SAMSN1: variants seen among roughly 807,000 people sequenced by gnomAD.
SAMSN1 encodes the protein SAM domain, SH3 domain and nuclear localization signals 1.
A neutral mutation model predicts 42.0 loss-of-function variants in SAMSN1; 31 were observed. The ratio of observed to expected loss-of-function variants is 0.74; its 90% CI spans 0.55 to 1.00. The LOEUF (loss-of-function observed/expected upper bound fraction) is 1.00. Ranked by LOEUF, SAMSN1 falls within the 50% of genes least tolerant of loss-of-function variation. SAMSN1 has a pLI of 0.00. For missense variants in SAMSN1, 464 were observed against 439.4 expected (o/e 1.06, Z -0.50); for synonymous variants, 178 against 151.9 (o/e 1.17, Z -1.26).
At chr21:14,626,060 A>T (rs1983160203) in intron 2 of SAMSN1, among the ~76,000 whole-genome samples, 1 of 152,216 alleles carries the variant, frequency 6.6e-6, no homozygotes, top group Admixed American at 6.5e-5. Flanking sequence ...TGGTGCTGGG[A>T]ATACTGGCTA....
At chr21:14,503,113 T>A (rs1987243504) in intron 5 of SAMSN1, among the ~76,000 whole-genome samples, 2 of 152,184 alleles carry the variant, frequency 1.3e-5, no homozygotes, top group Admixed American at 1.3e-4. Context: ...CACTCATGAT[T>A]ATGTTACCCT....
intron 1 of SAMSN1, among the ~76,000 whole-genome samples, chr21:14,645,410 C>T (rs1983692915): frequency 6.6e-6 from 1 of 152,238 alleles, no homozygotes. Flanking sequence ...TGGTCGAAAA[C>T]CATCAATGAG....
chr21:14,600,154 T>C (rs1362842640), intron 6 of SAMSN1, among the ~76,000 whole-genome samples: 2 of 152,122 alleles, frequency 1.3e-5, no homozygotes, highest in Non-Finnish European at 2.9e-5. Context: ...AAGGCCAAGT[T>C]TCATGCCATA....
intron 2 of SAMSN1, among the ~76,000 whole-genome samples, chr21:14,578,723 A>G (rs1354806786): frequency 7.4e-6 from 1 of 134,630 alleles, no homozygotes; most frequent in African/African-American, 2.7e-5. Flanking sequence ...AGATTGTACT[A>G]TTCCTAAAAT....
intron 7 of SAMSN1, 66 bp from the exon 8 acceptor site, chr21:14,486,180 C>T: frequency 9.4e-7 from 1 of 1,068,456 alleles, no homozygotes; most frequent in Middle Eastern, 2.1e-4. Context: ...TGTACTCATT[C>T]ACTTTCAAGT....
chr21:14,486,496 A>G (rs981690127), intron 7 of SAMSN1, among the ~76,000 whole-genome samples: 2 of 152,200 alleles, frequency 1.3e-5, no homozygotes, highest in African/African-American at 2.4e-5. Flanking sequence ...TATCATTAGA[A>G]AAAGGCATTT....
At chr21:14,648,746 C>T (rs1181452508) in intron 1 of SAMSN1, among the ~76,000 whole-genome samples, 54 of 151,314 alleles carry the variant, frequency 3.6e-4, no homozygotes, top group African/African-American at 1.2e-3. Context: ...GTTAGAATGG[C>T]GATCATTAAA....
At chr21:14,578,749 G>T (rs913314610) in intron 2 of SAMSN1, among the ~76,000 whole-genome samples, 1 of 139,734 alleles carries the variant, frequency 7.2e-6, no homozygotes, top group African/African-American at 2.6e-5. Context: ...AAGTCAAGGA[G>T]AAACTAGTGT....
chr21:14,622,880 GT>G lies in SAMSN1; in HGVS notation c.157-6865del, dbSNP rs1480313210. Among the ~76,000 whole-genome samples the G allele has an allele frequency of 3.3e-5, 5 of 152,280 alleles. No homozygotes were observed. The East Asian group carries it at 9.6e-4, about 29-fold the overall frequency. Reference sequence around the variant, plus strand: ...AAGGGCAGCCAGAGAGAAAAGTCAGGTTACCCACAAAGGGAAGCCCATCTGA... The same window carrying G: ...AAGGGCAGCCAGAGAGAAAAGTCAGGTACCCACAAAGGGAAGCCCATCTGA... On this transcript the variant is annotated intron_variant, in intron 2 of 15. Coordinates refer to the SAMSN1 transcript ENST00000647101.
At chr21:14,536,817 A>G (rs538657741) in intron 1 of SAMSN1, among the ~76,000 whole-genome samples, 1 of 152,346 alleles carries the variant, frequency 6.6e-6, no homozygotes, top group South Asian at 2.1e-4. Context: ...GGGACCGGAC[A>G]GTGGAAACTT....
upstream of SAMSN1, among the ~76,000 whole-genome samples, chr21:14,550,523 G>T (rs1980562393): frequency 6.6e-6 from 1 of 152,162 alleles, no homozygotes; most frequent in Non-Finnish European, 1.5e-5. Flanking sequence ...GTGAAATCAA[G>T]CATATCTATC....
At chr21:14,597,974 C>A (rs1381836307) in intron 6 of SAMSN1, 1 of 152,172 alleles carries the variant, frequency 6.6e-6, no homozygotes, top group South Asian at 2.1e-4. Context: ...TTGGCCACAA[C>A]TGGATTCCAT....
intron 1 of SAMSN1, among the ~76,000 whole-genome samples, chr21:14,653,248 G>A (rs1475676996): frequency 1.3e-5 from 2 of 151,922 alleles, no homozygotes; most frequent in Non-Finnish European, 2.9e-5. Flanking sequence ...CAACCTAAGT[G>A]TCTATCAACA....
chr21:14,489,144 G>C (rs186172169), intron 7 of SAMSN1, among the ~76,000 whole-genome samples: 1 of 152,262 alleles, frequency 6.6e-6, no homozygotes, highest in Admixed American at 6.5e-5. Flanking sequence ...CCATGAAACA[G>C]AGTAAAGCTA....
intron 1 of SAMSN1, among the ~76,000 whole-genome samples, chr21:14,530,123 T>G (rs538214425): frequency 5.0e-4 from 76 of 152,190 alleles, no homozygotes; most frequent in African/African-American, 1.8e-3. Flanking sequence ...CAGACCACCC[T>G]GGCTAATACG....
chr21:14,531,446 A>C (rs537152741), intron 1 of SAMSN1, among the ~76,000 whole-genome samples: 1 of 152,190 alleles, frequency 6.6e-6, no homozygotes, highest in South Asian at 2.1e-4. Flanking sequence ...TAAATTGAGC[A>C]ATTTCTTTCA....
intron 2 of SAMSN1, among the ~76,000 whole-genome samples, chr21:14,628,170 T>C (rs1184498195): frequency 6.6e-6 from 1 of 152,144 alleles, no homozygotes; most frequent in Non-Finnish European, 1.5e-5. Flanking sequence ...AATCATTTCA[T>C]TAAAGGTTAC....
At chr21:14,560,031 C>T (rs1300469257) in intron 2 of SAMSN1, among the ~76,000 whole-genome samples, 1 of 152,092 alleles carries the variant, frequency 6.6e-6, no homozygotes, top group Non-Finnish European at 1.5e-5. Context: ...CTGTGCCTTC[C>T]AAGACTTTAC....
At chr21:14,534,103 T>C (rs986229807) in intron 1 of SAMSN1, among the ~76,000 whole-genome samples, 5 of 152,230 alleles carry the variant, frequency 3.3e-5, no homozygotes, top group Non-Finnish European at 7.3e-5. Context: ...TACTTTGTTT[T>C]GTTGTGGGTG....
Sources: allele counts gnomAD v4.1 joint callset (sites outside exome capture counted in the v4.1 genomes callset), GRCh38; gene constraint gnomAD v4.1.1; transcripts MANE v1.5; gene names NCBI Gene and HGNC (gene_info 2026-07-23, HGNC 2026-07-21).